The following RFX7 variants were observed in gnomAD, a reference collection of about 807,000 sequenced individuals.
The protein encoded by RFX7 is DNA-binding protein RFX7.
RFX7 carries 26 observed loss-of-function variants against 111.8 expected under a neutral mutation model. The ratio of observed to expected loss-of-function variants is 0.23; its 90% CI spans 0.17 to 0.32. The LOEUF is 0.32. RFX7 is among the 10% of genes least tolerant of loss of function. The pLI is 1.00. For missense variants in RFX7, 1,573 were observed against 1,772.9 expected, an observed-to-expected ratio of 0.89 and a Z score of 2.02; for synonymous variants, 624 against 624.4, an observed-to-expected ratio of 1.00 and a Z score of 0.01.
rs555902124 is a variant in RFX7, at chr15:56,243,565, C to T, written c.-123G>A. 42 of 939,964 alleles carry T rather than the reference C, an allele frequency of 4.5e-5. No individual in the cohort carries two copies. The highest frequency in any genetic ancestry group is 5.5e-4 in the Middle Eastern group (1 of 1,832). 58.2% of individuals were successfully genotyped at this position (939,964 alleles called of 1,614,324 possible). A position where few individuals can be genotyped will look rare whatever the true frequency, so the allele number is the denominator to read the frequency against. On this transcript the variant is annotated 5_prime_UTR_variant, in exon 1 of 10. Transcript: ENST00000559447. ...AGGCATGGCGGCGCCCCTCAGCCCC[C>T]CGCTGGCGCCGCCGCCTCCTCCCGT... is the stretch of plus-strand genomic sequence containing the variant.
chr15:56,224,872 A>G (rs2043465473), intron 2 of RFX7, among the ~76,000 whole-genome samples: 1 of 152,070 alleles, frequency 6.6e-6, no homozygotes, highest in African/African-American at 2.4e-5. Context: ...AATTCTGTTG[A>G]TAACTGTTAG....
At chr15:56,110,350 G>A (rs1595932053) in intron 5 of RFX7, among the ~76,000 whole-genome samples, 2 of 83,554 alleles carry the variant, frequency 2.4e-5, no homozygotes, top group African/African-American at 4.4e-5. Flanking sequence ...CTGGCCAGCC[G>A]CCTCGTCCGG....
rs2043731911 is a variant in RFX7 at position 56,243,248 on chromosome 15, G to A, written c.38C>T (p.Pro13Leu). The change falls in exon 2 of 10, where the codon CCT becomes CTT. Residue 13 changes from proline to leucine, a missense_variant. Around this residue, in one of 7 missense-constraint regions of RFX7, gnomAD observed 191 missense variants for 194.2 expected, o/e 0.98. Coordinates refer to ENST00000559447, the MANE Select transcript of RFX7 (RefSeq NM_022841.7). ...EEQQQPPPQQPDAHQQLPPSA... is the reference protein window; with the variant it reads ...EEQQQPPPQQLDAHQQLPPSA... ...GGGGGGAAGCTGCTGATGGGCATCA[G>A]GCTGCTGTGGTGGCGGCTGTTGTTG... 3.8e-6 allele frequency: 5 copies of A among 1,307,316 alleles called. No individual in the cohort carries two copies. The highest frequency in any genetic ancestry group is 5.0e-6 in the Non-Finnish European group (5 of 992,610). The allele number at this position is 1,307,316 out of a possible 1,614,324, so 81.0% of individuals were successfully genotyped here.
intron 8 of RFX7, 113 bp from the exon 9 acceptor site, chr15:56,098,489 C>A: frequency 1.0e-6 from 1 of 995,138 alleles, no homozygotes. Flanking sequence ...ACCAAAATGG[C>A]AAATTTTAAC....
chr15:56,226,160 A>C (rs1171849581), intron 2 of RFX7, among the ~76,000 whole-genome samples: 1 of 152,126 alleles, frequency 6.6e-6, no homozygotes, highest in East Asian at 1.9e-4. Context: ...TTGAGGAAAT[A>C]CTTCCTTTCA....
At chr15:56,230,212 A>C (rs1227658340) in intron 2 of RFX7, among the ~76,000 whole-genome samples, 1 of 152,194 alleles carries the variant, frequency 6.6e-6, no homozygotes, top group Admixed American at 6.5e-5. Flanking sequence ...CAGTCCATAA[A>C]ACCCTAACTA....
At chr15:56,240,891 T>C (rs890676643) in intron 2 of RFX7, among the ~76,000 whole-genome samples, 1 of 152,148 alleles carries the variant, frequency 6.6e-6, no homozygotes, top group Non-Finnish European at 1.5e-5. Context: ...TAGGAATATA[T>C]GGTAGTAAAG....
intron 2 of RFX7, among the ~76,000 whole-genome samples, chr15:56,219,165 A>G (rs72738685): frequency 0.13 from 19,843 of 152,158 alleles, 1,699 homozygotes; most frequent in East Asian, 0.44. Context: ...TGACACTCCA[A>G]TATTAGATAT....
chr15:56,123,660 T>C (rs1250790730), intron 5 of RFX7, among the ~76,000 whole-genome samples: 3 of 152,220 alleles, frequency 2.0e-5, no homozygotes, highest in African/African-American at 7.2e-5. Context: ...GCAGTCCTTG[T>C]GGTCTAGACT....
At position 56,164,523 on chromosome 15, in the gene RFX7, A is replaced by G. The variant is rs141227589; in HGVS notation, c.195+14747T>C. ...TAGGAAGGTTATACCCAGGGAAATAATATCTATTGCAGTGTCCCAGATAGG... is the reference window on the plus strand; with the variant it reads ...TAGGAAGGTTATACCCAGGGAAATAGTATCTATTGCAGTGTCCCAGATAGG... On this transcript the variant is annotated intron_variant, in intron 3 of 9. Transcript: ENST00000559447. 3.4e-3 allele frequency among the ~76,000 whole-genome samples: 513 copies of G among 152,328 alleles called. 8 individuals are homozygous for G. Among genetic ancestry groups the G allele is most frequent in the African/African-American group, 0.012 (494 of 41,566 alleles).
intron 2 of RFX7, among the ~76,000 whole-genome samples, chr15:56,227,592 A>C (rs111759444): frequency 3.3e-5 from 5 of 152,174 alleles, no homozygotes; most frequent in Admixed American, 1.3e-4. Flanking sequence ...GTCCACTTTC[A>C]AATAACACTA....
At chr15:56,221,926 T>C (rs28404413) in intron 2 of RFX7, among the ~76,000 whole-genome samples, 15,675 of 152,152 alleles carry the variant, frequency 0.1, 2,622 homozygotes, top group African/African-American at 0.35. Flanking sequence ...TTTAAAAAAG[T>C]CATTTATATT....
intron 3 of RFX7, among the ~76,000 whole-genome samples, chr15:56,176,878 A>C (rs535227327): frequency 6.6e-6 from 1 of 151,974 alleles, no homozygotes; most frequent in African/African-American, 2.4e-5. Flanking sequence ...TAGCCTAACT[A>C]ATTTTCCTGC....
chr15:56,240,553 A>G lies in RFX7; in HGVS notation c.161+2572T>C, dbSNP rs184272630. ...GATAACTTATTGTCCAAAGGCCTAC[A>G]TCACATACTATATTTATATTTGTAG... is the stretch of plus-strand genomic sequence containing the variant. On this transcript the variant is annotated intron_variant, in intron 2 of 9. Coordinates refer to ENST00000559447, the MANE Select transcript of RFX7 (RefSeq NM_022841.7). Among the ~76,000 whole-genome samples the G allele has an allele frequency of 1.1e-3, 169 of 152,300 alleles. 1 individual carries two copies. The Middle Eastern group carries it at 0.024, about 21-fold the overall frequency.
rs2041589033 is a variant in RFX7 at position 56,090,931 on chromosome 15, G to A, written c.*2414C>T. 6.6e-6 allele frequency: 1 copy of A among 152,450 alleles called. No individual in the cohort carries two copies. Among genetic ancestry groups the A allele is most frequent in the South Asian group, 2.1e-4 (1 of 4,826 alleles). 9.4% of individuals were successfully genotyped at this position (152,450 alleles called of 1,614,324 possible). ...AACATCAAAACAATAAAAATAATCT[G>A]GAACAGAACATATTCAACAATAACT... On this transcript the variant is annotated 3_prime_UTR_variant, in exon 10 of 10. Transcript: ENST00000559447.
Position 56,151,683 on chromosome 15 carries a change from C to T in RFX7, c.196-7200G>A, listed in dbSNP as rs190597774. On this transcript the variant is annotated intron_variant, in intron 3 of 9. Coordinates refer to ENST00000559447, the MANE Select transcript of RFX7 (RefSeq NM_022841.7). Reference sequence around the variant, plus strand: ...GCAAAACAACCAGATAGCATCATAACGACAGGATCAAATTCACACATAACA... The same window carrying T: ...GCAAAACAACCAGATAGCATCATAATGACAGGATCAAATTCACACATAACA... Among the ~76,000 whole-genome samples, 27 of 152,202 alleles carry T rather than the reference C, an allele frequency of 1.8e-4. No individual in the cohort carries two copies. The East Asian group carries it at 2.9e-3, about 16-fold the overall frequency.
upstream of RFX7, chr15:56,244,059 G>A (rs1274926962): frequency 6.6e-6 from 1 of 151,458 alleles, no homozygotes; most frequent in East Asian, 1.9e-4. Flanking sequence ...CCCGGCTGGT[G>A]GAGAGCAGGA....
chr15:56,106,622 G>C (rs1259264936), intron 5 of RFX7, among the ~76,000 whole-genome samples: 2 of 152,150 alleles, frequency 1.3e-5, no homozygotes, highest in Non-Finnish European at 2.9e-5. Context: ...ACCCTTCTTT[G>C]ATGGGGAGGA....
chr15:56,131,032 C>A lies in RFX7; in HGVS notation c.401+11746G>T, dbSNP rs140331302. Among the ~76,000 whole-genome samples, 164 of 151,632 alleles carry A rather than the reference C, an allele frequency of 1.1e-3. 1 individual carries two copies. Among genetic ancestry groups the A allele is most frequent in the African/African-American group, 3.8e-3 (157 of 41,368 alleles). The stretch of plus-strand genomic sequence containing the variant: ...ATGCTATATAAACTGTTCCAGAGCA[C>A]AGAAAATTAGGGAAAGAGTTCCAAT... On this transcript the variant is annotated intron_variant, in intron 5 of 9. Transcript: ENST00000559447.
Sources: allele counts gnomAD v4.1 joint callset (sites outside exome capture counted in the v4.1 genomes callset), GRCh38; gene constraint gnomAD v4.1.1; regional missense constraint gnomAD v4.1.1; transcripts MANE v1.5; gene names NCBI Gene and HGNC (gene_info 2026-07-23, HGNC 2026-07-21).